The following ACSL1 variants were observed in gnomAD, a reference collection of about 807,000 sequenced individuals.
ACSL1 encodes the protein acyl-CoA synthetase long chain family member 1, also known as long-chain-fatty-acid--CoA ligase 1.
Under a neutral mutation model 98.4 loss-of-function variants are expected in ACSL1, and 41 were observed. The observed-to-expected ratio is 0.42, with a 90% CI of 0.32 to 0.54. The LOEUF (loss-of-function observed/expected upper bound fraction) is 0.54. Among genes scored for constraint, ACSL1 ranks in the 20% least tolerant of loss-of-function variants. The probability of loss-of-function intolerance (pLI) is 0.13; values close to 1 mark genes in which losing one functional copy is unlikely to be tolerated. For synonymous variants in ACSL1, 316 were observed against 322.7 expected (o/e 0.98, Z 0.22); for missense variants, 734 against 883.1 (o/e 0.83, Z 2.14).
At chr4:184,772,314 T>C (rs1175410722) in intron 10 of ACSL1, among the ~76,000 whole-genome samples, 1 of 152,124 alleles carries the variant, frequency 6.6e-6, no homozygotes, top group African/African-American at 2.4e-5. Context: ...ACCAAACATG[T>C]CCATTCCCCA....
At position 184,773,263 on chromosome 4, in the gene ACSL1, G is replaced by T; in HGVS notation, c.842-109C>A. On this transcript the variant is annotated intron_variant, in intron 9 of 20. Coordinates refer to ENST00000281455, the MANE Select transcript of ACSL1 (RefSeq NM_001995.5). The surrounding 1 kb of genome is among the most constrained non-coding windows in gnomAD (Gnocchi z 4.3). ...AGACACCTCTACTGTTAGATATATC[G>T]TGAAAACCAAATGTTGAACACTAAA... 2 of 952,692 alleles carry T rather than the reference G, an allele frequency of 2.1e-6. No individual in the cohort carries two copies. The highest frequency in any genetic ancestry group is 3.2e-6 in the Non-Finnish European group (2 of 626,168). The allele number at this position is 952,692 out of a possible 1,614,324, so 59.0% of individuals were successfully genotyped here. A position where few individuals can be genotyped will look rare whatever the true frequency, so the allele number is the denominator to read the frequency against.
intron 14 of ACSL1, 125 bp from the exon 15 acceptor site, chr4:184,765,050 G>A (rs185935681): frequency 2.2e-6 from 2 of 925,422 alleles, no homozygotes; most frequent in East Asian, 5.5e-5. Context: ...CATTTCAAAT[G>A]GTCTGTTCAG....
chr4:184,788,955 A>G (rs903646251), intron 2 of ACSL1, among the ~76,000 whole-genome samples: 1 of 152,260 alleles, frequency 6.6e-6, no homozygotes, highest in Non-Finnish European at 1.5e-5. Flanking sequence ...TTTTATTAAA[A>G]ATAGATGTCC....
At chr4:184,771,024 T>C (rs989391765) in intron 10 of ACSL1, among the ~76,000 whole-genome samples, 4 of 152,072 alleles carry the variant, frequency 2.6e-5, no homozygotes, top group African/African-American at 7.2e-5. Context: ...CTCAGGAGGC[T>C]GAGGCAGCAG....
chr4:184,805,430 C>G, intron 1 of ACSL1: 1 of 980,498 alleles, frequency 1.0e-6, no homozygotes, highest in Non-Finnish European at 1.2e-6. Flanking sequence ...CACGAAATTT[C>G]AAGGTTTACC....
chr4:184,801,892 T>A (rs1770587158), intron 2 of ACSL1, among the ~76,000 whole-genome samples: 1 of 152,254 alleles, frequency 6.6e-6, no homozygotes, highest in Non-Finnish European at 1.5e-5. Flanking sequence ...CAATTTCTCA[T>A]ATAATAGGAA....
rs377526538 is a variant in ACSL1 at position 184,803,504 on chromosome 4, T to A, written c.11A>T (p.His4Leu). Residue 4 changes from histidine to leucine, a missense_variant, in exon 2 of 21, where the codon CAT (histidine) becomes CTT (leucine). Transcript: ENST00000281455. The surrounding 1 kb of genome is among the most constrained non-coding windows in gnomAD (Gnocchi z 4.8). MQA[H>L]ELFRYFRMPE... Reference sequence around the variant, plus strand: ...CATTCGAAAATACCGGAACAGCTCATGGGCTTGCATTGTCCTGTGTTGATA... The same window carrying A: ...CATTCGAAAATACCGGAACAGCTCAAGGGCTTGCATTGTCCTGTGTTGATA... 44 of 1,587,380 alleles carry A rather than the reference T, an allele frequency of 2.8e-5. No individual in the cohort carries two copies. In the East Asian group the frequency reaches 8.3e-4, roughly 30 times the overall value.
chr4:184,803,294 C>G lies in ACSL1; in HGVS notation c.195+26G>C, dbSNP rs759359889. On this transcript the variant is annotated intron_variant, in intron 2 of 20. Coordinates refer to ENST00000281455, the MANE Select transcript of ACSL1 (RefSeq NM_001995.5). This position sits in a 1 kb window ranked among gnomAD's most constrained non-coding sequence, Gnocchi z 4.8. ...TCTGGGGAAATGCGGAGAAAACGCA[C>G]GAGGCAGGCTGGGCCCTCCACTCAC... The G allele has an allele frequency of 6.6e-6, 10 of 1,505,654 alleles. No individual in the cohort carries two copies. The highest frequency in any genetic ancestry group is 8.9e-6 in the Non-Finnish European group (10 of 1,122,648). The allele number at this position is 1,505,654 out of a possible 1,614,324, so 93.3% of individuals were successfully genotyped here.
At chr4:184,789,302 A>C (rs896337573) in intron 2 of ACSL1, among the ~76,000 whole-genome samples, 3 of 152,238 alleles carry the variant, frequency 2.0e-5, no homozygotes, top group African/African-American at 7.2e-5. Flanking sequence ...AAGAGCCACA[A>C]ACTGCCACCA....
rs781494344 is a variant in ACSL1, at chr4:184,823,795, T to C, written c.-33+2121A>G. Among the ~76,000 whole-genome samples, 13 of 152,362 alleles carry C rather than the reference T, an allele frequency of 8.5e-5. 1 individual carries two copies. In the Middle Eastern group the frequency reaches 0.017, roughly 199 times the overall value. On this transcript the variant is annotated intron_variant, in intron 1 of 20. Coordinates refer to ENST00000281455, the MANE Select transcript of ACSL1 (RefSeq NM_001995.5). Reference sequence around the variant, plus strand: ...TCAGTTTGTGGTAAGCCCTGGGTTATATATAATGGCAACAAGAGAAAACTA... The same window carrying C: ...TCAGTTTGTGGTAAGCCCTGGGTTACATATAATGGCAACAAGAGAAAACTA...
At chr4:184,796,665 G>A (rs929621740) in intron 2 of ACSL1, among the ~76,000 whole-genome samples, 6 of 152,188 alleles carry the variant, frequency 3.9e-5, no homozygotes, top group Non-Finnish European at 5.9e-5. Context: ...ATTTCCATAA[G>A]GATGAAGGAT....
chr4:184,758,469 C>T (rs34416324), intron 18 of ACSL1: 42,214 of 152,826 alleles, frequency 0.28, 6,594 homozygotes, highest in Non-Finnish European at 0.36. Flanking sequence ...GTAGGAGGAT[C>T]CCCTGGAACC....
chr4:184,758,626 TCTA>T (rs1179477042), intron 18 of ACSL1: 3 of 152,304 alleles, frequency 2.0e-5, no homozygotes, highest in Admixed American at 6.5e-5. Context: ...TTCTTTATAA[TCTA>T]CTAACAATAA....
chr4:184,790,499 C>A (rs966734450), intron 2 of ACSL1, among the ~76,000 whole-genome samples: 1 of 152,192 alleles, frequency 6.6e-6, no homozygotes, highest in African/African-American at 2.4e-5. Context: ...ATCTTTTAAT[C>A]ATCACAATGT....
In ACSL1 at chr4:184,809,558, C is replaced by T. The variant is rs368954888; in HGVS notation, c.-32-6012G>A. 6.7e-4 allele frequency among the ~76,000 whole-genome samples: 102 copies of T among 152,090 alleles called. 2 individuals carry two copies. The South Asian group carries it at 0.02, about 29-fold the overall frequency. ...CTGTAATCCCAGCACTTTGGGAGGC[C>T]GAGGCGGGCAGATCACGAGGTCAGG... On this transcript the variant is annotated intron_variant, in intron 1 of 20. Coordinates refer to ENST00000281455, the MANE Select transcript of ACSL1 (RefSeq NM_001995.5).
Position 184,815,773 on chromosome 4 carries a change from C to T in ACSL1, c.-33+10143G>A, listed in dbSNP as rs192937615. Among the ~76,000 whole-genome samples, 260 of 152,184 alleles carry T rather than the reference C, an allele frequency of 1.7e-3. 1 individual carries two copies. Among genetic ancestry groups the T allele is most frequent in the Middle Eastern group, 3.4e-3 (1 of 294 alleles). On this transcript the variant is annotated intron_variant, in intron 1 of 20. Coordinates refer to ENST00000281455, the MANE Select transcript of ACSL1 (RefSeq NM_001995.5). ...AGCCTCTCACGAGTTTGGAGAAATC[C>T]ACTTCTGAGTTGAGTTTTTACAGAT...
intron 1 of ACSL1, among the ~76,000 whole-genome samples, chr4:184,819,268 G>A (rs1772873873): frequency 6.6e-6 from 1 of 151,208 alleles, no homozygotes; most frequent in African/African-American, 2.4e-5. Context: ...TCAGCCTCCT[G>A]AGTAGCTGGG....
chr4:184,772,236 G>A (rs1271954430), intron 10 of ACSL1, among the ~76,000 whole-genome samples: 1 of 152,086 alleles, frequency 6.6e-6, no homozygotes, highest in Non-Finnish European at 1.5e-5. Flanking sequence ...CTTTAAAAAG[G>A]GCATTTGGAA....
rs772077502 is a variant in ACSL1 at position 184,757,014 on chromosome 4, C to T, written c.*111G>A. 62 of 1,342,880 alleles carry T rather than the reference C, an allele frequency of 4.6e-5. No individual in the cohort carries two copies. The highest frequency in any genetic ancestry group is 1.0e-4 in the South Asian group (6 of 57,524). 83.2% of individuals were successfully genotyped at this position (1,342,880 alleles called of 1,614,324 possible). ...GAACCCCGAATGGACAAGTCAAACA[C>T]GAACGCTTCCTTCCCTACACTTGCT... is the stretch of plus-strand genomic sequence containing the variant. On this transcript the variant is annotated 3_prime_UTR_variant, in exon 21 of 21. Transcript: ENST00000281455. This position sits in a 1 kb window ranked among gnomAD's most constrained non-coding sequence, Gnocchi z 4.5.
Sources: allele counts gnomAD v4.1 joint callset (sites outside exome capture counted in the v4.1 genomes callset), GRCh38; gene constraint gnomAD v4.1.1; non-coding constraint Gnocchi (gnomAD v3.1); transcripts MANE v1.5; gene names NCBI Gene and HGNC (gene_info 2026-07-23, HGNC 2026-07-21).